The following RNF38 variants were observed in gnomAD, a reference collection of about 807,000 sequenced individuals.
RNF38 encodes E3 ubiquitin-protein ligase RNF38.
A neutral mutation model predicts 67.2 loss-of-function variants in RNF38; 15 were observed. That is an observed-to-expected ratio of 0.22 (90% CI 0.15 to 0.34). RNF38 has a LOEUF of 0.34. Ranked by LOEUF, RNF38 falls within the 10% of genes least tolerant of loss-of-function variation. The pLI, the probability that RNF38 is intolerant of heterozygous loss-of-function variation, is 1.00. For missense variants in RNF38, 524 were observed against 639.9 expected (o/e 0.82, Z 1.95); for synonymous variants, 220 against 218.8 (o/e 1.01, Z -0.05).
Position 36,356,345 on chromosome 9 carries a change from T to A in RNF38, c.867A>T (p.Pro289=). The A allele has an allele frequency of 6.2e-7, 1 of 1,613,958 alleles. No homozygotes were observed. Among genetic ancestry groups the A allele is most frequent in the Non-Finnish European group, 8.5e-7 (1 of 1,179,978 alleles). Residue 289 remains proline (P), a synonymous_variant, in exon 6 of 12, where the codon CCA becomes CCT. Transcript: ENST00000259605. ...TTTGGAAAGGGACAAACTGGCCTGG[T>A]GGTGGCAAATGAGGAGGATGATGGG... ...LSPHHPPHLP[P]PGQFVPFQTQ...
chr9:36,387,343 T>C (rs1344558978), intron 2 of RNF38, among the ~76,000 whole-genome samples: 3 of 152,222 alleles, frequency 2.0e-5, no homozygotes. Context: ...ATAAAAGCTA[T>C]AACATAGCAG....
intron 9 of RNF38, among the ~76,000 whole-genome samples, chr9:36,349,943 C>A (rs944408221): frequency 2.0e-5 from 3 of 152,040 alleles, no homozygotes; most frequent in Admixed American, 2.0e-4. Flanking sequence ...CTCCCCCTCC[C>A]GAGTAGCTGG....
intron 2 of RNF38, among the ~76,000 whole-genome samples, chr9:36,409,217 G>T (rs1838256512): frequency 6.7e-6 from 1 of 149,068 alleles, no homozygotes; most frequent in African/African-American, 2.5e-5. Flanking sequence ...AGGGAGGGAG[G>T]GAAGGAGGGA....
At chr9:36,462,677 ATTT>A (rs34327659) in intron 1 of RNF38, among the ~76,000 whole-genome samples, 1 of 144,152 alleles carries the variant, frequency 6.9e-6, no homozygotes. Flanking sequence ...CAACTGATTG[ATTT>A]TTTTTTTTTT....
At chr9:36,358,519 A>G (rs572133584) in intron 4 of RNF38, among the ~76,000 whole-genome samples, 27 of 152,296 alleles carry the variant, frequency 1.8e-4, no homozygotes, top group Middle Eastern at 3.4e-3. Context: ...AGATCATACT[A>G]CCCTGCAACT....
intron 1 of RNF38, among the ~76,000 whole-genome samples, chr9:36,391,859 C>T (rs978833423): frequency 6.6e-6 from 1 of 152,100 alleles, no homozygotes; most frequent in Non-Finnish European, 1.5e-5. Context: ...GTGATCCGTC[C>T]GCCTCGGCCT....
upstream of RNF38, chr9:36,487,650 G>C (rs930363571): frequency 4.5e-6 from 4 of 891,704 alleles, no homozygotes; most frequent in African/African-American, 7.3e-5. Flanking sequence ...CGGTGGCGGC[G>C]ACGGAGGCGG....
intron 4 of RNF38, among the ~76,000 whole-genome samples, chr9:36,369,461 C>T (rs968757859): frequency 7.2e-5 from 11 of 152,128 alleles, no homozygotes; most frequent in African/African-American, 2.4e-4. Flanking sequence ...AAGTGATGTG[C>T]CTGCCTCAGC....
chr9:36,378,055 T>C (rs555655047), intron 2 of RNF38, among the ~76,000 whole-genome samples: 30 of 151,348 alleles, frequency 2.0e-4, no homozygotes, highest in African/African-American at 6.9e-4. Context: ...TTAAATATTC[T>C]GATTTTTTTT....
intron 2 of RNF38, among the ~76,000 whole-genome samples, chr9:36,412,619 G>C (rs1240241699): frequency 6.6e-6 from 1 of 152,186 alleles, no homozygotes; most frequent in Non-Finnish European, 1.5e-5. Flanking sequence ...CGCTTTGGTA[G>C]TCCACGAAAG....
At position 36,463,866 on chromosome 9, in the gene RNF38, G is replaced by A. The variant is rs552014621; in HGVS notation, n.241+23442C>T. On this transcript the variant is annotated intron_variant and non_coding_transcript_variant, in intron 1 of 3. Coordinates refer to the RNF38 transcript ENST00000488058. The stretch of plus-strand genomic sequence containing the variant: ...CTCTTTTGTCCTCAGAAAAATAAGT[G>A]ACCAAAAACTATTATCTTAGGCCAG... Among the ~76,000 whole-genome samples the A allele has an allele frequency of 1.7e-3, 252 of 152,242 alleles. 1 individual carries two copies. The highest frequency in any genetic ancestry group is 2.9e-3 in the Non-Finnish European group (195 of 68,012).
intron 1 of RNF38, among the ~76,000 whole-genome samples, chr9:36,465,110 C>A (rs1460619033): frequency 1.3e-5 from 2 of 152,146 alleles, no homozygotes; most frequent in Non-Finnish European, 2.9e-5. Flanking sequence ...TAACAGAGAA[C>A]AAGTGTTGGC....
upstream of RNF38, among the ~76,000 whole-genome samples, chr9:36,405,603 G>A (rs1389046725): frequency 2.0e-5 from 3 of 152,206 alleles, no homozygotes; most frequent in East Asian, 5.8e-4. Context: ...GTTTCTTTAA[G>A]ACTGGTGTTA....
intron 2 of RNF38, among the ~76,000 whole-genome samples, chr9:36,414,659 C>G (rs538721105): frequency 1.4e-5 from 2 of 145,774 alleles, no homozygotes; most frequent in African/African-American, 5.2e-5. Flanking sequence ...GCACTCCAGC[C>G]TGGGCAACGA....
intron 1 of RNF38, among the ~76,000 whole-genome samples, chr9:36,432,133 GT>G (rs916519702): frequency 4.5e-4 from 65 of 143,756 alleles, no homozygotes; most frequent in African/African-American, 1.6e-3. Flanking sequence ...TGGGTATTAA[GT>G]TTTTTTTGTT....
intron 3 of RNF38, among the ~76,000 whole-genome samples, chr9:36,375,415 C>T (rs1232914352): frequency 6.6e-6 from 1 of 152,144 alleles, no homozygotes; most frequent in Admixed American, 6.5e-5. Context: ...TGGTCTCGAA[C>T]TCCTGGCCTC....
intron 1 of RNF38, among the ~76,000 whole-genome samples, chr9:36,427,691 CTATCTATCTAT>C (rs1564058821): frequency 7.4e-5 from 11 of 148,458 alleles, no homozygotes; most frequent in South Asian, 2.1e-4. Context: ...ATCTATCTAT[CTATCTATCTAT>C]CTACCTACCT....
intron 4 of RNF38, among the ~76,000 whole-genome samples, chr9:36,362,059 T>C (rs1834579822): frequency 6.6e-6 from 1 of 152,070 alleles, no homozygotes; most frequent in Non-Finnish European, 1.5e-5. Context: ...TAGTACATTT[T>C]AAAATCAATG....
intron 1 of RNF38, among the ~76,000 whole-genome samples, chr9:36,465,599 C>T (rs180747297): frequency 6.6e-6 from 1 of 152,104 alleles, no homozygotes; most frequent in Non-Finnish European, 1.5e-5. Flanking sequence ...CCTGCCTTGG[C>T]GTCCCAAAGT....
Sources: gnomAD v4.1 joint callset for allele counts (sites outside exome capture counted in the v4.1 genomes callset) on GRCh38, gnomAD v4.1.1 for gene constraint, MANE v1.5 for transcripts, NCBI Gene and HGNC (gene_info 2026-07-23, HGNC 2026-07-21) for gene names.